The following ARHGEF18 variants were observed in gnomAD, a reference collection of about 807,000 sequenced individuals.
ARHGEF18 encodes the protein rho guanine nucleotide exchange factor 18.
ARHGEF18 carries 93 observed loss-of-function variants against 155.7 expected under a neutral mutation model. The ratio of observed to expected loss-of-function variants is 0.60; its 90% CI spans 0.50 to 0.71. The LOEUF is 0.71. ARHGEF18 is among the 30% of genes least tolerant of loss of function. The probability of loss-of-function intolerance (pLI) is 0.00; values close to 1 mark genes in which losing one functional copy is unlikely to be tolerated. For missense variants in ARHGEF18, 1,593 were observed against 1,816.1 expected (o/e 0.88, Z 2.23); for synonymous variants, 742 against 753.1 (o/e 0.99, Z 0.24).
intron 8 of ARHGEF18, 24 bp from the exon 9 acceptor site, chr19:7,382,768 T>C: frequency 8.1e-7 from 1 of 1,231,572 alleles, no homozygotes; most frequent in Middle Eastern, 3.1e-4. Context: ...CCCCCTCTAG[T>C]GGACCTTCCC....
In ARHGEF18 at chr19:7,467,118, G is replaced by A. The variant is rs1268716565; in HGVS notation, c.3009G>A (p.Gln1003=). 1 of 1,598,822 alleles carries A rather than the reference G, an allele frequency of 6.3e-7. No individual in the cohort carries two copies. The highest frequency in any genetic ancestry group is 2.2e-5 in the East Asian group (1 of 44,504). ...TGTCCCAGCTGCTCCTGAACCTTCA[G>A]GTACAGGGGCGGGGTGGGGCCGGCC... ...QTLSQLLLNL[Q]AVIAHQDSYV... is the part of the protein sequence containing the mutation. Residue 1003 remains glutamine (Q), a splice_region_variant and synonymous_variant, in exon 25 of 29, where the codon CAG becomes CAA. Transcript: ENST00000668164.
intron 16 of ARHGEF18, 138 bp downstream of exon 16, chr19:7,451,404 C>CTTTTTT (rs35473770): frequency 1.1e-4 from 42 of 377,674 alleles, no homozygotes; most frequent in South Asian, 2.0e-4. Context: ...GGGTTCCTTC[C>CTTTTTT]TTTTTTTTTT....
At chr19:7,415,342 C>A (rs1237652274) in intron 10 of ARHGEF18, among the ~76,000 whole-genome samples, 1 of 152,106 alleles carries the variant, frequency 6.6e-6, no homozygotes, top group African/African-American at 2.4e-5. Context: ...GAGCCCGCCA[C>A]TCTGCCCCCC....
intron 10 of ARHGEF18, among the ~76,000 whole-genome samples, chr19:7,421,280 G>T (rs371580643): frequency 7.2e-5 from 11 of 152,136 alleles, no homozygotes; most frequent in South Asian, 4.1e-4. Context: ...ACACACAGAC[G>T]TTTTTCAGTC....
chr19:7,411,832 A>G (rs940893295), intron 10 of ARHGEF18, among the ~76,000 whole-genome samples: 23 of 151,676 alleles, frequency 1.5e-4, no homozygotes, highest in Non-Finnish European at 1.2e-4. Context: ...AACTCTAGGG[A>G]CCTCCTAGAA....
At chr19:7,450,364 T>C (rs891292276) in intron 15 of ARHGEF18, among the ~76,000 whole-genome samples, 16 of 152,250 alleles carry the variant, frequency 1.1e-4, no homozygotes, top group Admixed American at 7.8e-4. Context: ...GGGATCTTGC[T>C]GTCCGTTTCT....
chr19:7,469,636 G>C (rs942196506), intron 27 of ARHGEF18, among the ~76,000 whole-genome samples: 1 of 152,170 alleles, frequency 6.6e-6, no homozygotes, highest in Non-Finnish European at 1.5e-5. Context: ...GGTGTGTCCC[G>C]TGGTCACTAG....
chr19:7,417,528 T>C (rs1973092436), intron 10 of ARHGEF18, among the ~76,000 whole-genome samples: 1 of 151,970 alleles, frequency 6.6e-6, no homozygotes, highest in Non-Finnish European at 1.5e-5. Context: ...CAAAACCCCA[T>C]CTCTACTAAA....
chr19:7,409,204 C>T (rs1338027527), intron 10 of ARHGEF18, among the ~76,000 whole-genome samples: 3 of 150,472 alleles, frequency 2.0e-5, no homozygotes, highest in Non-Finnish European at 3.0e-5. Context: ...GGACTACAGG[C>T]GCCCACCACC....
At chr19:7,353,590 C>CAA (rs61068862) in intron 1 of ARHGEF18, among the ~76,000 whole-genome samples, 44 of 104,190 alleles carry the variant, frequency 4.2e-4, no homozygotes, top group Middle Eastern at 5.4e-3. Context: ...AACTCCATCT[C>CAA]AAAAAAAAAA....
At chr19:7,407,165 T>G (rs56393464) in intron 10 of ARHGEF18, among the ~76,000 whole-genome samples, 4,662 of 150,186 alleles carry the variant, frequency 0.031, 234 homozygotes, top group African/African-American at 0.11. Context: ...TGGCTCACGC[T>G]GGTAATCCCA....
At chr19:7,450,974 C>A (rs1975399507) in intron 15 of ARHGEF18, among the ~76,000 whole-genome samples, 175 bp from the exon 16 acceptor site, 1 of 151,974 alleles carries the variant, frequency 6.6e-6, no homozygotes, top group Non-Finnish European at 1.5e-5. Flanking sequence ...CTGTCCGTTT[C>A]CGAGATGTTA....
At chr19:7,422,946 T>A (rs755031966) in intron 10 of ARHGEF18, among the ~76,000 whole-genome samples, 9 of 152,130 alleles carry the variant, frequency 5.9e-5, no homozygotes, top group Admixed American at 1.3e-4. Context: ...CTCAAACTCC[T>A]GATCTCAAGT....
chr19:7,354,169 T>G (rs1969225951), intron 1 of ARHGEF18, among the ~76,000 whole-genome samples: 1 of 150,594 alleles, frequency 6.6e-6, no homozygotes, highest in African/African-American at 2.5e-5. Flanking sequence ...GTAAAAAAAA[T>G]AGCCAAGTGT....
rs1555699396 is a variant in ARHGEF18 at position 7,367,885 on chromosome 19, T to TTATA, written c.16-4921_16-4918dup. Among the ~76,000 whole-genome samples, 126 of 16,062 alleles carry TTATA rather than the reference T, an allele frequency of 7.8e-3. 4 individuals carry two copies. Among genetic ancestry groups the TTATA allele is most frequent in the Non-Finnish European group, 9.4e-3 (100 of 10,668 alleles). The allele number at this position is 16,062 out of a possible 152,430, so 10.5% of individuals were successfully genotyped here. On this transcript the variant is annotated intron_variant, in intron 2 of 28. Transcript: ENST00000668164. Reference sequence around the variant, plus strand: ...ATATATATTTTTATATATATATATTTTATATATATTTTTTATATATATATA... The same window carrying TTATA: ...ATATATATTTTTATATATATATATTTTATATATATATATTTTTTATATATATATA...
intron 16 of ARHGEF18, among the ~76,000 whole-genome samples, chr19:7,451,901 T>C (rs898131909): frequency 1.3e-5 from 2 of 151,934 alleles, no homozygotes; most frequent in African/African-American, 4.8e-5. Context: ...TTGATATTTG[T>C]AGTAGAGATG....
chr19:7,445,642 C>G (rs997699606), intron 14 of ARHGEF18, among the ~76,000 whole-genome samples: 2 of 152,108 alleles, frequency 1.3e-5, no homozygotes, highest in Non-Finnish European at 2.9e-5. Context: ...TTTTTTGAGA[C>G]AAAGTCTCAC....
intron 10 of ARHGEF18, chr19:7,439,632 C>G: frequency 9.2e-7 from 1 of 1,088,412 alleles, no homozygotes; most frequent in Non-Finnish European, 1.1e-6. Flanking sequence ...GAATCGGAGC[C>G]TCGCGTCCAC....
At chr19:7,416,932 T>G (rs1973062870) in intron 10 of ARHGEF18, among the ~76,000 whole-genome samples, 1 of 151,074 alleles carries the variant, frequency 6.6e-6, no homozygotes, top group South Asian at 2.1e-4. Flanking sequence ...TTTTTTGAGA[T>G]GGAGTCTCAC....
Sources: allele counts gnomAD v4.1 joint callset (sites outside exome capture counted in the v4.1 genomes callset), GRCh38; gene constraint gnomAD v4.1.1; transcripts MANE v1.5; gene names NCBI Gene and HGNC (gene_info 2026-07-23, HGNC 2026-07-21).